Variants in FKBP11 observed in about 807,000 individuals in gnomAD.
FKBP11 encodes FKBP prolyl isomerase 11, also known as peptidyl-prolyl cis-trans isomerase FKBP11.
In FKBP11, 21 loss-of-function variants were observed where a neutral mutation model predicts 24.7. The ratio of observed to expected loss-of-function variants is 0.85; its 90% CI spans 0.60 to 1.23. The LOEUF is 1.23. FKBP11 is among the 50% of genes most tolerant of loss of function. The pLI, the probability that FKBP11 is intolerant of heterozygous loss-of-function variation, is 0.00. For synonymous variants in FKBP11, 106 were observed against 100.6 expected, an observed-to-expected ratio of 1.05 and a Z score of -0.32; for missense variants, 245 against 248.7, an observed-to-expected ratio of 0.99 and a Z score of 0.10.
Position 48,923,640 on chromosome 12 carries a change from T to C in FKBP11, c.388+142A>G, listed in dbSNP as rs778317240. ...TATGAGGAGGAAAAAGGTGGCCCTG[T>C]AGATGGAGGCCCCAGCCACTCCTAT... On this transcript the variant is annotated intron_variant, in intron 5 of 5. Transcript: ENST00000550765. 3.8e-6 allele frequency: 6 copies of C among 1,565,754 alleles called. No individual in the cohort carries two copies. The South Asian group carries it at 5.8e-5, about 15-fold the overall frequency.
upstream of FKBP11, chr12:48,926,540 T>TTTTTTTTTTTTGG (rs1939970678): frequency 6.9e-6 from 1 of 144,198 alleles, no homozygotes; most frequent in African/African-American, 2.6e-5. Context: ...TTTTTTTTTT[T>TTTTTTTTTTTTGG]GAGGGGGAGG....
the FKBP11 span, among the ~76,000 whole-genome samples, chr12:48,932,182 T>TATA: frequency 7.4e-6 from 1 of 135,864 alleles, no homozygotes; most frequent in African/African-American, 2.8e-5. Flanking sequence ...TATATATATA[T>TATA]ATAATATAAA....
chr12:48,925,645 C>T, upstream of FKBP11: 1 of 611,052 alleles, frequency 1.6e-6, no homozygotes, highest in Non-Finnish European at 2.8e-6. Context: ...ATCCGGAGGG[C>T]GCAGGTTCTG....
rs1376150010 is a variant in FKBP11, at chr12:48,925,442, G to A, written c.-14C>T. ...GCGCAGGGTCATGACTGGGCGCGGGGCAGGGAGCCGGGGCACCAGGACAGG... is the reference window on the plus strand; with the variant it reads ...GCGCAGGGTCATGACTGGGCGCGGGACAGGGAGCCGGGGCACCAGGACAGG... On this transcript the variant is annotated 5_prime_UTR_variant, in exon 1 of 6. Transcript: ENST00000550765. The A allele has an allele frequency of 6.4e-7, 1 of 1,552,260 alleles. No individual in the cohort carries two copies. The highest frequency in any genetic ancestry group is 8.7e-7 in the Non-Finnish European group (1 of 1,149,914).
upstream of FKBP11, among the ~76,000 whole-genome samples, chr12:48,928,620 C>T (rs937829050): frequency 6.6e-6 from 1 of 151,940 alleles, no homozygotes; most frequent in Non-Finnish European, 1.5e-5. Flanking sequence ...GCTGGGACTA[C>T]AGGTGTGTGC....
At chr12:48,924,845 C>G (rs897741437) in intron 2 of FKBP11, 197 bp from the exon 3 acceptor site, 1 of 1,444,126 alleles carries the variant, frequency 6.9e-7, no homozygotes, top group Non-Finnish European at 9.1e-7. Context: ...CTTCTCCGTG[C>G]CAGGTAGGAA....
upstream of FKBP11, among the ~76,000 whole-genome samples, chr12:48,930,900 G>A (rs202245800): frequency 8.5e-5 from 13 of 152,118 alleles, no homozygotes; most frequent in South Asian, 2.1e-4. Flanking sequence ...AGGCCGAGGC[G>A]GGCGGATCAC....
chr12:48,925,539 C>A, upstream of FKBP11: 1 of 1,342,274 alleles, frequency 7.5e-7, no homozygotes, highest in South Asian at 1.4e-5. Flanking sequence ...CGGGGCGGGT[C>A]GCGATGCTAG....
intron 5 of FKBP11, chr12:48,922,545 C>T: frequency 2.0e-6 from 2 of 1,022,688 alleles, no homozygotes; most frequent in South Asian, 4.3e-5. Flanking sequence ...TCCAAATAAC[C>T]ACACGGATAG....
chr12:48,935,018 CAAAAA>C, the FKBP11 span, among the ~76,000 whole-genome samples: 20 of 87,514 alleles, frequency 2.3e-4, no homozygotes, highest in South Asian at 7.4e-3. Flanking sequence ...AATTCCGTCT[CAAAAA>C]AAAAAAAAAA....
chr12:48,938,122 G>T, the FKBP11 span: 1 of 321,226 alleles, frequency 3.1e-6, no homozygotes, highest in African/African-American at 2.2e-5. Context: ...CTTCCCAACA[G>T]TAAGGCAGAG....
upstream of FKBP11, among the ~76,000 whole-genome samples, chr12:48,927,033 C>A (rs1939983762): frequency 6.6e-6 from 1 of 152,226 alleles, no homozygotes. Context: ...TGCTCTCAAA[C>A]TGCTGACCTC....
chr12:48,924,729 G>C (rs1939917095), intron 2 of FKBP11, 81 bp from the exon 3 acceptor site: 1 of 1,576,874 alleles, frequency 6.3e-7, no homozygotes. Flanking sequence ...TGGACCGCTG[G>C]GCGGCGGCAG....
intron 1 of FKBP11, 24 bp from the exon 2 acceptor site, chr12:48,925,135 C>T (rs761377194): frequency 1.2e-6 from 2 of 1,611,458 alleles, no homozygotes; most frequent in Admixed American, 3.4e-5. Flanking sequence ...ACAGGGGTCA[C>T]GGATGCTCTT....
chr12:48,929,278 T>C (rs1940019494), upstream of FKBP11, among the ~76,000 whole-genome samples: 1 of 151,918 alleles, frequency 6.6e-6, no homozygotes, highest in Non-Finnish European at 1.5e-5. Context: ...CAAGACCCTA[T>C]CTCTACAAAT....
chr12:48,922,455 T>A, intron 5 of FKBP11: 1 of 902,012 alleles, frequency 1.1e-6, no homozygotes, highest in Non-Finnish European at 1.5e-6. Context: ...AGGAAAACTT[T>A]CTGTGAATAT....
intron 5 of FKBP11, chr12:48,923,552 T>G: frequency 6.4e-7 from 1 of 1,551,582 alleles, no homozygotes; most frequent in Non-Finnish European, 8.7e-7. Context: ...CCCTAACAAG[T>G]TACTGGCTGC....
chr12:48,937,215 G>T, the FKBP11 span: 2 of 152,236 alleles, frequency 1.3e-5, no homozygotes, highest in African/African-American at 4.8e-5. Context: ...CAACAAAAGT[G>T]GCCAGGAAAC....
intron 5 of FKBP11, 26 bp from the exon 6 acceptor site, chr12:48,922,227 G>A (rs1266007122): frequency 6.3e-6 from 10 of 1,581,812 alleles, no homozygotes; most frequent in South Asian, 1.1e-5. Context: ...GGTGGAGAGG[G>A]TTAGACTCTC....
Sources: gnomAD v4.1 joint callset for allele counts (sites outside exome capture counted in the v4.1 genomes callset) on GRCh38, gnomAD v4.1.1 for gene constraint, MANE v1.5 for transcripts, NCBI Gene and HGNC (gene_info 2026-07-23, HGNC 2026-07-21) for gene names.